EPS8L1: variants seen among roughly 807,000 people sequenced by gnomAD.
EPS8L1 encodes epidermal growth factor receptor kinase substrate 8-like protein 1.
A neutral mutation model predicts 91.7 loss-of-function variants in EPS8L1; 101 were observed. The observed-to-expected ratio is 1.10, with a 90% CI of 0.94 to 1.30. EPS8L1 has a LOEUF of 1.30. EPS8L1 is among the 50% of genes most tolerant of loss of function. EPS8L1 has a pLI of 0.00. For missense variants in EPS8L1, 1,114 were observed against 1,017.0 expected, an observed-to-expected ratio of 1.10 and a Z score of -1.30; for synonymous variants, 506 against 445.3, an observed-to-expected ratio of 1.14 and a Z score of -1.72.
rs1345479580 is a variant in EPS8L1 at position 55,083,626 on chromosome 19, C to A, written c.1367C>A (p.Pro456His). Residue 456 changes from proline to histidine, a missense_variant, in exon 14 of 20, where the codon CCC becomes CAC. Pro to His is a moderately conservative substitution (Grantham distance 77, BLOSUM62 -2). Transcript: ENST00000201647. This position sits in a 1 kb window ranked among gnomAD's most constrained non-coding sequence, Gnocchi z 4.7. ...TCTTACTTCCTACAGCAAAGCGCCCCCCAGGTCGCTGTCAATGGGTGAGTG... is the reference window on the plus strand; with the variant it reads ...TCTTACTTCCTACAGCAAAGCGCCCACCAGGTCGCTGTCAATGGGTGAGTG... Reference protein sequence around the residue: ...HERRRRQQSAPQVAVNGHRDL... With the variant: ...HERRRRQQSAHQVAVNGHRDL... 1 of 1,595,848 alleles carries A rather than the reference C, an allele frequency of 6.3e-7. No individual in the cohort carries two copies. The highest frequency in any genetic ancestry group is 1.8e-5 in the Admixed American group (1 of 57,032).
In EPS8L1 at chr19:55,080,848, C is replaced by T; in HGVS notation, c.506C>T (p.Ala169Val). 6.2e-7 allele frequency: 1 copy of T among 1,608,154 alleles called. No individual in the cohort carries two copies. Among genetic ancestry groups the T allele is most frequent in the Non-Finnish European group, 8.5e-7 (1 of 1,176,956 alleles). The change falls in exon 7 of 20, where the codon GCG (alanine) becomes GTG (valine). Residue 169 changes from alanine to valine, a missense_variant. Physicochemically the swap from Ala to Val is moderately conservative, Grantham distance 64. Transcript: ENST00000201647. The stretch of plus-strand genomic sequence containing the variant: ...GGCCGCGGGGAGCGCAGGGCGGCGG[C>T]GCTCAGGTGAGAGGGAAGAAGTTGG... ...RSGRGERRAA[A>V]LRATQEELQR...
At chr19:55,076,566 C>A in intron 2 of EPS8L1, 105 bp downstream of exon 2, 1 of 1,352,920 alleles carries the variant, frequency 7.4e-7, no homozygotes, top group Non-Finnish European at 1.0e-6. Context: ...TGCGGCGGCC[C>A]AGACTCTGGC....
rs773387566 is a variant in EPS8L1, at chr19:55,087,300, C to G, written c.1953-3C>G. 1 of 1,601,958 alleles carries G rather than the reference C, an allele frequency of 6.2e-7. No homozygotes were observed. Among genetic ancestry groups the G allele is most frequent in the Non-Finnish European group, 8.5e-7 (1 of 1,174,960 alleles). The stretch of plus-strand genomic sequence containing the variant: ...TGACCGCGCCCGGGCTGCCCTCGCT[C>G]AGGACCGTGGACGCGCTGGGTGTGC... On this transcript the variant is annotated splice_region_variant and splice_polypyrimidine_tract_variant and intron_variant, in intron 18 of 19. Transcript: ENST00000201647.
At position 55,081,668 on chromosome 19, in the gene EPS8L1, G is replaced by T. The variant is rs2076265582; in HGVS notation, c.775-105G>T. The T allele has an allele frequency of 2.0e-6, 3 of 1,495,884 alleles. No homozygotes were observed. The South Asian group carries it at 4.0e-5, about 20-fold the overall frequency. 92.7% of individuals were successfully genotyped at this position (1,495,884 alleles called of 1,614,324 possible). ...TGTGGGGCGTGGCCAGGTGTTTGGGGCGTGGCCTGATCTGGGGAAGTGTAT... is the reference window on the plus strand; with the variant it reads ...TGTGGGGCGTGGCCAGGTGTTTGGGTCGTGGCCTGATCTGGGGAAGTGTAT... On this transcript the variant is annotated intron_variant, in intron 8 of 19. Coordinates refer to ENST00000201647, the MANE Select transcript of EPS8L1 (RefSeq NM_133180.3). The surrounding 1 kb of genome is among the most constrained non-coding windows in gnomAD (Gnocchi z 4.9).
At chr19:55,087,486 G>A (rs2076365854) in intron 19 of EPS8L1, 42 bp from the exon 20 acceptor site, 3 of 1,614,004 alleles carry the variant, frequency 1.9e-6, no homozygotes, top group East Asian at 2.2e-5. Flanking sequence ...GATGACGAGG[G>A]CTCGGACGCC....
At chr19:55,086,365 C>T (rs2076352093) in intron 16 of EPS8L1, 27 bp from the exon 17 acceptor site, 14 of 1,595,102 alleles carry the variant, frequency 8.8e-6, no homozygotes, top group Non-Finnish European at 1.1e-5. Context: ...CTCCCTAACC[C>T]AGGTACTCTC....
At chr19:55,086,635 G>GGGGC in intron 17 of EPS8L1, 79 bp from the exon 18 acceptor site, 14 of 1,307,666 alleles carry the variant, frequency 1.1e-5, no homozygotes, top group Non-Finnish European at 1.5e-5. Flanking sequence ...ACGCTGGAGC[G>GGGGC]CCCCCCCGCC....
intron 6 of EPS8L1, 26 bp from the exon 7 acceptor site, chr19:55,080,746 G>A: frequency 1.9e-6 from 3 of 1,607,804 alleles, no homozygotes; most frequent in Non-Finnish European, 2.5e-6. Flanking sequence ...GCGTGGGGAG[G>A]CGTGGCCTGA....
rs149832234 is a variant in EPS8L1 at position 55,081,833 on chromosome 19, G to A, written c.835G>A (p.Ala279Thr). Residue 279 changes from alanine (A) to threonine (T), a missense_variant, in exon 9 of 20, where the codon GCG becomes ACG. Physicochemically the swap from Ala to Thr is moderately conservative, Grantham distance 58 (BLOSUM62 0). Transcript: ENST00000201647. The surrounding 1 kb of genome is among the most constrained non-coding windows in gnomAD (Gnocchi z 4.9). ...CTTTGTATCGAGGCTGCAGAAGTCG[G>A]CGGAGGCGGCCAGGGTGCTGGAGCA... The part of the protein sequence containing the change: ...ESFVSRLQKS[A>T]EAARVLEHRE... The A allele has an allele frequency of 2.7e-4, 443 of 1,612,552 alleles. No individual in the cohort carries two copies. The highest frequency in any genetic ancestry group is 3.7e-4 in the Non-Finnish European group (433 of 1,179,196).
chr19:55,080,955 G>C (rs1373612453), intron 7 of EPS8L1, 101 bp downstream of exon 7: 4 of 1,167,428 alleles, frequency 3.4e-6, no homozygotes, highest in Non-Finnish European at 4.8e-6. Flanking sequence ...GTTTTGCATG[G>C]AGTCAAGCAC....
rs771617599 is a variant in EPS8L1 at position 55,081,350 on chromosome 19, G to C, written c.632G>C (p.Arg211Pro). The C allele has an allele frequency of 6.4e-7, 1 of 1,562,612 alleles. No homozygotes were observed. Among genetic ancestry groups the C allele is most frequent in the East Asian group, 2.3e-5 (1 of 42,694 alleles). Residue 211 changes from arginine to proline, a missense_variant, in exon 8 of 20, where the codon CGA (arginine) becomes CCA (proline). Arg to Pro is a moderately radical substitution (Grantham distance 103). Transcript: ENST00000201647. This position sits in a 1 kb window ranked among gnomAD's most constrained non-coding sequence, Gnocchi z 4.9. ...GTAGAGCGGGGCGCGGGCCGCGGAC[G>C]ACCCCAGGCGAAGCCCATTCCCGAG... is the stretch of plus-strand genomic sequence containing the variant. Reference protein sequence around the residue: ...STVERGAGRGRPQAKPIPEAE... With the variant: ...STVERGAGRGPPQAKPIPEAE...
rs1196498868 is a variant in EPS8L1 at position 55,081,328 on chromosome 19, G to A, written c.610G>A (p.Glu204Lys). 7.7e-6 allele frequency: 12 copies of A among 1,557,004 alleles called. No individual in the cohort carries two copies. Among genetic ancestry groups the A allele is most frequent in the Non-Finnish European group, 1.0e-5 (12 of 1,156,846 alleles). Residue 204 changes from glutamate (E) to lysine (K), a missense_variant, in exon 8 of 20, where the codon GAG becomes AAG. Coordinates refer to ENST00000201647, the MANE Select transcript of EPS8L1 (RefSeq NM_133180.3). The surrounding 1 kb of genome is among the most constrained non-coding windows in gnomAD (Gnocchi z 4.9). ...AGTCCGCGCAGTGATCAGCACCGTA[G>A]AGCGGGGCGCGGGCCGCGGACGACC... is the stretch of plus-strand genomic sequence containing the variant. ...PSVRAVISTV[E>K]RGAGRGRPQA... is the part of the protein sequence containing the mutation.
chr19:55,082,471 G>A lies in EPS8L1; in HGVS notation c.1083G>A (p.Gly361=), dbSNP rs777490054. The part of the protein sequence containing the change: ...GPLQMIVNTS[G]GPEFASSVRR... ...CCTGACAGATTGTGAACACGTCGGGGGGGCCGGAGTTCGCGAGCAGTGTGC... is the reference window on the plus strand; with the variant it reads ...CCTGACAGATTGTGAACACGTCGGGAGGGCCGGAGTTCGCGAGCAGTGTGC... Residue 361 remains glycine, a synonymous_variant, in exon 12 of 20, where the codon GGG becomes GGA. Transcript: ENST00000201647. The A allele has an allele frequency of 7.4e-6, 12 of 1,612,460 alleles. No homozygotes were observed. The South Asian group carries it at 7.7e-5, about 10-fold the overall frequency.
intron 18 of EPS8L1, 82 bp downstream of exon 18, chr19:55,086,970 G>C (rs2076359613): frequency 5.0e-6 from 7 of 1,394,032 alleles, no homozygotes; most frequent in African/African-American, 1.5e-5. Flanking sequence ...GAGTCGGGGG[G>C]CGGCAGTCGT....
intron 14 of EPS8L1, among the ~76,000 whole-genome samples, chr19:55,084,967 C>A (rs1285813679): frequency 6.6e-6 from 1 of 152,142 alleles, no homozygotes; most frequent in Non-Finnish European, 1.5e-5. Flanking sequence ...ATGCCACTCT[C>A]TTACTCTGTG....
At chr19:55,079,661 C>T in intron 4 of EPS8L1, 29 bp from the exon 5 acceptor site, 1 of 1,603,952 alleles carries the variant, frequency 6.2e-7, no homozygotes, top group Non-Finnish European at 8.5e-7. Context: ...CATCTTGGGC[C>T]TCACTGCTTT....
At position 55,079,051 on chromosome 19, in the gene EPS8L1, A is replaced by G. The variant is rs1256600102; in HGVS notation, c.111A>G (p.Pro37=). 5 of 1,613,908 alleles carry G rather than the reference A, an allele frequency of 3.1e-6. No individual in the cohort carries two copies. Among genetic ancestry groups the G allele is most frequent in the Non-Finnish European group, 4.2e-6 (5 of 1,179,938 alleles). The change falls in exon 4 of 20, where the codon CCA becomes CCG. Residue 37 remains proline (P), a synonymous_variant. Coordinates refer to ENST00000201647, the MANE Select transcript of EPS8L1 (RefSeq NM_133180.3). The part of the protein sequence containing the change: ...TVVMADVSQY[P]VNHLVTFCLG... ...TTATGGCTGATGTATCCCAGTACCC[A>G]GTCAATGTGAGTCTGGGGTCTGTGT...
chr19:55,077,556 C>T (rs1056529261), intron 2 of EPS8L1, among the ~76,000 whole-genome samples: 1 of 151,290 alleles, frequency 6.6e-6, no homozygotes, highest in Non-Finnish European at 1.5e-5. Context: ...TCCCCTACCA[C>T]CCAGCACCAC....
intron 12 of EPS8L1, 137 bp downstream of exon 12, chr19:55,082,739 G>A: frequency 1.2e-6 from 1 of 821,330 alleles, no homozygotes; most frequent in Non-Finnish European, 1.9e-6. Flanking sequence ...TTGTGTTGGG[G>A]CGGGGCTTAG....
Sources: allele counts gnomAD v4.1 joint callset (sites outside exome capture counted in the v4.1 genomes callset), GRCh38; gene constraint gnomAD v4.1.1; non-coding constraint Gnocchi (gnomAD v3.1); transcripts MANE v1.5; gene names NCBI Gene and HGNC (gene_info 2026-07-23, HGNC 2026-07-21).